The following CD6 variants were observed in gnomAD, a reference collection of about 807,000 sequenced individuals.
CD6 encodes T-cell differentiation antigen CD6.
CD6 carries 53 observed loss-of-function variants against 75.3 expected under a neutral mutation model. The ratio of observed to expected loss-of-function variants is 0.70; its 90% CI spans 0.56 to 0.88. CD6 has a LOEUF of 0.88. CD6 is among the 40% of genes least tolerant of loss of function. CD6 has a pLI of 0.00. For synonymous variants in CD6, 359 were observed against 381.5 expected (o/e 0.94, Z 0.69); for missense variants, 770 against 897.1 (o/e 0.86, Z 1.81).
At position 61,019,303 on chromosome 11, in the gene CD6, C is replaced by T. The variant is rs1273528684; in HGVS notation, c.1992C>T (p.Asp664=). ...CCACCGACAACGATGACTACGATGA[C>T]ATCAGCGCAGCCTAGGCCGGGGCCA... ...PDSTDNDDYD[D]ISAA Residue 664 remains aspartate, a synonymous_variant, in exon 13 of 13, where the codon GAC becomes GAT. Coordinates refer to ENST00000313421, the MANE Select transcript of CD6 (RefSeq NM_006725.5). 6.2e-7 allele frequency: 1 copy of T among 1,609,688 alleles called. No individual in the cohort carries two copies. Among genetic ancestry groups the T allele is most frequent in the Non-Finnish European group, 8.5e-7 (1 of 1,179,816 alleles).
chr11:61,002,659 T>C (rs1366114969), intron 1 of CD6, among the ~76,000 whole-genome samples: 1 of 152,266 alleles, frequency 6.6e-6, no homozygotes, highest in African/African-American at 2.4e-5. Context: ...TACTCTGTTT[T>C]GTGTTGCTAT....
intron 6 of CD6, among the ~76,000 whole-genome samples, chr11:61,011,406 G>C (rs1859147997): frequency 6.7e-6 from 1 of 148,992 alleles, no homozygotes; most frequent in African/African-American, 2.4e-5. Context: ...TGAGCTGCTG[G>C]AGGGCAGAAG....
chr11:61,017,911 A>G lies in CD6; in HGVS notation c.1735A>G (p.Lys579Glu). 6.2e-7 allele frequency: 1 copy of G among 1,614,104 alleles called. No homozygotes were observed. Among genetic ancestry groups the G allele is most frequent in the African/African-American group, 1.3e-5 (1 of 75,046 alleles). The change falls in exon 11 of 13, where the codon AAG (lysine) becomes GAG (glutamate). Residue 579 changes from lysine to glutamate, a missense_variant. Transcript: ENST00000313421. ...GGATTACTGCAATAGTCCCAAAAGCAAGCTGCCTCCATGGAACCCCCAGGT... is the reference window on the plus strand; with the variant it reads ...GGATTACTGCAATAGTCCCAAAAGCGAGCTGCCTCCATGGAACCCCCAGGT... ...GEDYCNSPKSKLPPWNPQVFS... is the reference protein window; with the variant it reads ...GEDYCNSPKSELPPWNPQVFS...
chr11:61,004,103 A>C (rs1342720182), intron 1 of CD6, among the ~76,000 whole-genome samples: 1 of 152,192 alleles, frequency 6.6e-6, no homozygotes, highest in Non-Finnish European at 1.5e-5. Flanking sequence ...GTCTTTATGC[A>C]TGAGAAAGTG....
rs147279650 is a variant in CD6 at position 60,986,836 on chromosome 11, G to A, written c.49+14922G>A. On this transcript the variant is annotated intron_variant, in intron 1 of 12. Transcript: ENST00000313421. The stretch of plus-strand genomic sequence containing the variant: ...ACTGAGTGGCCAGGGCAACAGAAAT[G>A]TATTGTCTCTCCCTGGCGCCGTGGC... 1.2e-4 allele frequency among the ~76,000 whole-genome samples: 19 copies of A among 152,258 alleles called. No homozygotes were observed. In the East Asian group the frequency reaches 3.5e-3, roughly 28 times the overall value.
chr11:60,971,861 C>T lies in CD6; in HGVS notation c.-5C>T, dbSNP rs368889688. 5.0e-5 allele frequency: 80 copies of T among 1,613,766 alleles called. No homozygotes were observed. In the African/African-American group the frequency reaches 9.5e-4, roughly 19 times the overall value. On this transcript the variant is annotated 5_prime_UTR_variant, in exon 1 of 13. Coordinates refer to ENST00000313421, the MANE Select transcript of CD6 (RefSeq NM_006725.5). Reference sequence around the variant, plus strand: ...CACGCGTAGCAGCCAGAGACAGCTCCAGACATGTGGCTCTTCTTCGGGATC... The same window carrying T: ...CACGCGTAGCAGCCAGAGACAGCTCTAGACATGTGGCTCTTCTTCGGGATC...
At chr11:60,999,781 T>C (rs1019257947) in intron 1 of CD6, among the ~76,000 whole-genome samples, 3 of 152,146 alleles carry the variant, frequency 2.0e-5, no homozygotes, top group African/African-American at 7.2e-5. Context: ...GTTCTGTGGC[T>C]CACGCCTGTA....
At chr11:60,998,336 G>A (rs1170428969) in intron 1 of CD6, among the ~76,000 whole-genome samples, 1 of 152,178 alleles carries the variant, frequency 6.6e-6, no homozygotes, top group Non-Finnish European at 1.5e-5. Flanking sequence ...TACAGTAAGT[G>A]CTCAAGAGAT....
At chr11:61,018,498 G>GGAAGGGGAAAAGGAGAAAA in intron 12 of CD6, 105 bp downstream of exon 12, 1 of 910,160 alleles carries the variant, frequency 1.1e-6, no homozygotes, top group Non-Finnish European at 1.7e-6. Context: ...AAAGGAGAAA[G>GGAAGGGGAAAAGGAGAAAA]GAAGGGTAAA....
chr11:60,994,457 CAAAA>C (rs61349237), intron 1 of CD6, among the ~76,000 whole-genome samples: 2 of 52,964 alleles, frequency 3.8e-5, no homozygotes, highest in Admixed American at 6.1e-4. Flanking sequence ...ACACCCCCGC[CAAAA>C]AAAAAAAAAA....
chr11:61,016,984 G>A, intron 9 of CD6: 1 of 162,528 alleles, frequency 6.2e-6, no homozygotes, highest in Non-Finnish European at 1.4e-5. Context: ...AAAGTCAGTG[G>A]TACCCGGTTC....
chr11:61,018,181 T>A (rs1370177785), intron 11 of CD6, 108 bp from the exon 12 acceptor site: 1 of 1,298,544 alleles, frequency 7.7e-7, no homozygotes, highest in South Asian at 1.4e-5. Flanking sequence ...CTTTGTCATT[T>A]GCCAAGCTAG....
chr11:60,990,225 ATTTG>A (rs751242823), intron 1 of CD6, among the ~76,000 whole-genome samples: 55 of 152,116 alleles, frequency 3.6e-4, no homozygotes, highest in Non-Finnish European at 3.8e-4. Context: ...ACATTTGTTT[ATTTG>A]TTTATTTGCT....
intron 1 of CD6, among the ~76,000 whole-genome samples, chr11:60,999,954 C>T (rs1394527733): frequency 1.3e-5 from 2 of 151,976 alleles, no homozygotes; most frequent in East Asian, 1.9e-4. Flanking sequence ...TCAGTAGCTG[C>T]GGCAGGAGAA....
Position 61,007,961 on chromosome 11 carries a change from T to C in CD6, c.469+51T>C. On this transcript the variant is annotated intron_variant, in intron 3 of 12. Transcript: ENST00000313421. This position sits in a 1 kb window ranked among gnomAD's most constrained non-coding sequence, Gnocchi z 4.2. ...CCCCACCTGCCCCACTCCCCAGGCCTTCAGCCACTGCCCCTGGCTCCAGAC... is the reference window on the plus strand; with the variant it reads ...CCCCACCTGCCCCACTCCCCAGGCCCTCAGCCACTGCCCCTGGCTCCAGAC... 3 of 1,164,060 alleles carry C rather than the reference T, an allele frequency of 2.6e-6. No individual in the cohort carries two copies. Among genetic ancestry groups the C allele is most frequent in the African/African-American group, 1.6e-5 (1 of 61,664 alleles). 72.1% of individuals were successfully genotyped at this position (1,164,060 alleles called of 1,614,324 possible).
intron 1 of CD6, among the ~76,000 whole-genome samples, chr11:60,999,022 G>A (rs1244731593): frequency 6.6e-6 from 1 of 152,122 alleles, no homozygotes; most frequent in African/African-American, 2.4e-5. Flanking sequence ...GGCGGGCATG[G>A]TGGCACATGC....
At chr11:61,015,578 AAAG>A in intron 8 of CD6, 132 bp from the exon 9 acceptor site, 3 of 1,041,170 alleles carry the variant, frequency 2.9e-6, no homozygotes, top group Non-Finnish European at 2.8e-6. Context: ...CCCAGAAAAG[AAAG>A]AAAAAAAAAG....
At chr11:60,985,222 C>T (rs1365570469) in intron 1 of CD6, 1 of 117,388 alleles carries the variant, frequency 8.5e-6, no homozygotes, top group Non-Finnish European at 1.6e-5. Flanking sequence ...TCGCTCTTGT[C>T]GCTCAGGCTG....
chr11:61,013,445 A>C lies in CD6; in HGVS notation c.1173A>C (p.Ile391=). The change falls in exon 7 of 13, where the codon ATA becomes ATC. Residue 391 remains isoleucine, a synonymous_variant. Transcript: ENST00000313421. ...VTIESSVTVK[I]ENKESRELML... ...CAGAATCTTCTGTGACAGTGAAAAT[A>C]GAGAACAAGGAATCTCGGGAGCTAA... is the stretch of plus-strand genomic sequence containing the variant. 1 of 1,614,168 alleles carries C rather than the reference A, an allele frequency of 6.2e-7. No homozygotes were observed. Among genetic ancestry groups the C allele is most frequent in the Middle Eastern group, 1.6e-4 (1 of 6,062 alleles).
Sources: allele counts gnomAD v4.1 joint callset (sites outside exome capture counted in the v4.1 genomes callset), GRCh38; gene constraint gnomAD v4.1.1; non-coding constraint Gnocchi (gnomAD v3.1); transcripts MANE v1.5; gene names NCBI Gene and HGNC (gene_info 2026-07-23, HGNC 2026-07-21).